SAMMSON: variants seen among roughly 807,000 people sequenced by gnomAD.
The protein encoded by SAMMSON is long intergenic non-protein coding RNA 1212.
At chr3:70,039,573 A>G (rs577036856) in intron 3 of SAMMSON, among the ~76,000 whole-genome samples, 2 of 147,512 alleles carry the variant, frequency 1.4e-5, no homozygotes, top group East Asian at 2.0e-4. Flanking sequence ...GTGTGATCCA[A>G]TTCCTTAAAA....
chr3:70,236,280 T>G (rs1701608020), intron 4 of SAMMSON, among the ~76,000 whole-genome samples: 1 of 152,224 alleles, frequency 6.6e-6, no homozygotes, highest in African/African-American at 2.4e-5. Context: ...GACATCACTT[T>G]GAGACTTTAA....
At chr3:70,210,763 G>A (rs1701335342) in intron 4 of SAMMSON, among the ~76,000 whole-genome samples, 2 of 143,212 alleles carry the variant, frequency 1.4e-5, no homozygotes, top group Non-Finnish European at 3.1e-5. Context: ...ACAAAAAATA[G>A]AAGCTCATCT....
At chr3:70,056,335 A>G (rs551526416) in intron 3 of SAMMSON, among the ~76,000 whole-genome samples, 7 of 152,204 alleles carry the variant, frequency 4.6e-5, no homozygotes, top group African/African-American at 1.7e-4. Context: ...AAAACAGACA[A>G]AAAGTCTTTT....
intron 1 of SAMMSON, among the ~76,000 whole-genome samples, chr3:70,008,214 T>G (rs2066936777): frequency 6.6e-6 from 1 of 152,154 alleles, no homozygotes; most frequent in African/African-American, 2.4e-5. Context: ...GGGATGGCAT[T>G]GAATCTCTAA....
At chr3:70,095,031 C>A (rs1011092321) in intron 4 of SAMMSON, among the ~76,000 whole-genome samples, 1 of 152,166 alleles carries the variant, frequency 6.6e-6, no homozygotes, top group African/African-American at 2.4e-5. Context: ...GGAGGTGAAA[C>A]TTTGTCTAAA....
At chr3:70,158,566 A>T (rs1276219670) in intron 4 of SAMMSON, among the ~76,000 whole-genome samples, 1 of 151,962 alleles carries the variant, frequency 6.6e-6, no homozygotes, top group Admixed American at 6.6e-5. Flanking sequence ...TGCAAACAAG[A>T]AAAGTAGTAC....
chr3:70,395,681 A>G (rs2106759824), intron 2 of SAMMSON, among the ~76,000 whole-genome samples: 1 of 152,224 alleles, frequency 6.6e-6, no homozygotes, highest in African/African-American at 2.4e-5. Flanking sequence ...AATGGGTTTA[A>G]GGAATGTGGA....
At chr3:70,418,974 C>CTTTCCTTTCCT (rs369620361) in intron 2 of SAMMSON, among the ~76,000 whole-genome samples, 158 of 78,036 alleles carry the variant, frequency 2.0e-3, no homozygotes, top group African/African-American at 2.6e-3. Flanking sequence ...CCTTTCCTTC[C>CTTTCCTTTCCT]TTCCTTCTCT....
At chr3:70,164,933 T>A (rs1293389687) in intron 4 of SAMMSON, among the ~76,000 whole-genome samples, 4 of 152,086 alleles carry the variant, frequency 2.6e-5, no homozygotes, top group African/African-American at 7.2e-5. Context: ...ATTATTGAAT[T>A]TGGCGGCATA....
chr3:70,113,144 A>G (rs967755179), intron 4 of SAMMSON, among the ~76,000 whole-genome samples: 1 of 152,244 alleles, frequency 6.6e-6, no homozygotes, highest in Non-Finnish European at 1.5e-5. Flanking sequence ...TAAAATGGAC[A>G]CATATAACAG....
At chr3:70,014,224 C>A (rs1282482459) in intron 3 of SAMMSON, 1 of 152,086 alleles carries the variant, frequency 6.6e-6, no homozygotes, top group East Asian at 1.9e-4. Context: ...TTTTATCCTT[C>A]GTACAGAGGG....
intron 7 of SAMMSON, among the ~76,000 whole-genome samples, chr3:70,307,482 A>G (rs1211877606): frequency 1.3e-5 from 2 of 152,052 alleles, no homozygotes; most frequent in Admixed American, 6.6e-5. Flanking sequence ...GTATTACCTG[A>G]CATCCTATTC....
At position 70,001,453 on chromosome 3, in the gene SAMMSON, G is replaced by GTT. The variant is rs200222434; in HGVS notation, n.22+1600_22+1601dup. On this transcript the variant is annotated intron_variant and non_coding_transcript_variant, in intron 1 of 9. Transcript: ENST00000642114. Reference sequence around the variant, plus strand: ...ATACAATGTTAAGGTTGTTTCTAGTGTTTTTTTTTTTTTTTAAGAATATGT... The same window carrying GTT: ...ATACAATGTTAAGGTTGTTTCTAGTGTTTTTTTTTTTTTTTTTAAGAATATGT... 8.4e-3 allele frequency among the ~76,000 whole-genome samples: 1,077 copies of GTT among 128,806 alleles called. 13 individuals are homozygous for GTT. The highest frequency in any genetic ancestry group is 0.028 in the African/African-American group (984 of 35,468). The allele number at this position is 128,806 out of a possible 152,430, so 84.5% of individuals were successfully genotyped here.
At chr3:70,296,466 C>T (rs1398189893) in intron 7 of SAMMSON, among the ~76,000 whole-genome samples, 1 of 152,104 alleles carries the variant, frequency 6.6e-6, no homozygotes, top group African/African-American at 2.4e-5. Flanking sequence ...CATCACCTCT[C>T]ACACCGTGAC....
At chr3:70,223,410 A>G (rs780906107) in intron 4 of SAMMSON, among the ~76,000 whole-genome samples, 2 of 152,206 alleles carry the variant, frequency 1.3e-5, no homozygotes, top group Non-Finnish European at 2.9e-5. Context: ...AAACACTCAT[A>G]TCCAGTATTT....
chr3:70,299,357 G>C (rs1333853536), intron 7 of SAMMSON, among the ~76,000 whole-genome samples: 1 of 151,678 alleles, frequency 6.6e-6, no homozygotes, highest in Non-Finnish European at 1.5e-5. Flanking sequence ...AAGCATATAA[G>C]ATGTACAGTG....
chr3:70,128,427 C>T (rs2067468026), intron 4 of SAMMSON, among the ~76,000 whole-genome samples: 1 of 152,094 alleles, frequency 6.6e-6, no homozygotes, highest in Admixed American at 6.6e-5. Flanking sequence ...TTGGAGATTC[C>T]CAACAAATAT....
chr3:70,350,938 G>T (rs1702790356), intron 7 of SAMMSON, among the ~76,000 whole-genome samples: 2 of 152,108 alleles, frequency 1.3e-5, no homozygotes, highest in African/African-American at 4.8e-5. Context: ...AAGGGGAATA[G>T]TCAAGATAAC....
intron 3 of SAMMSON, among the ~76,000 whole-genome samples, chr3:70,036,871 C>G (rs2067087340): frequency 6.6e-6 from 1 of 151,942 alleles, no homozygotes; most frequent in African/African-American, 2.4e-5. Context: ...AATGGAAAGT[C>G]AAATTACTTT....
Sources: gnomAD v4.1 joint callset for allele counts (sites outside exome capture counted in the v4.1 genomes callset) on GRCh38, gnomAD v4.1.1 for gene constraint, MANE v1.5 for transcripts, NCBI Gene and HGNC (gene_info 2026-07-23, HGNC 2026-07-21) for gene names.